Variants in PSD3 observed in about 807,000 individuals in gnomAD.
PSD3 encodes PH and SEC7 domain-containing protein 3.
PSD3 carries 49 observed loss-of-function variants against 105.5 expected under a neutral mutation model. The ratio of observed to expected loss-of-function variants is 0.46; its 90% CI spans 0.37 to 0.59. The LOEUF is 0.59. Ranked by LOEUF, PSD3 falls within the 20% of genes least tolerant of loss-of-function variation. PSD3 has a pLI of 0.00. For missense variants in PSD3, 1,561 were observed against 1,263.8 expected (o/e 1.24, Z -3.57); for synonymous variants, 557 against 457.8 (o/e 1.22, Z -2.77).
At chr8:18,890,791 TG>T (rs1213606442) in intron 2 of PSD3, among the ~76,000 whole-genome samples, 1 of 149,592 alleles carries the variant, frequency 6.7e-6, no homozygotes, top group Non-Finnish European at 1.5e-5. Context: ...GTGTGTTCCC[TG>T]TGCTGCAAAC....
chr8:18,645,815 T>C (rs1206182560), intron 10 of PSD3, among the ~76,000 whole-genome samples: 2 of 152,176 alleles, frequency 1.3e-5, no homozygotes, highest in Non-Finnish European at 2.9e-5. Flanking sequence ...CTTCTGTTTC[T>C]CCCAACAATA....
intron 1 of PSD3, among the ~76,000 whole-genome samples, chr8:18,959,455 A>T (rs1321690427): frequency 6.6e-6 from 1 of 152,036 alleles, no homozygotes; most frequent in Non-Finnish European, 1.5e-5. Context: ...TCCTCAGCCT[A>T]CAAAATAAAG....
intron 8 of PSD3, among the ~76,000 whole-genome samples, chr8:18,792,302 C>A (rs79683508): frequency 0.037 from 5,688 of 152,190 alleles, 315 homozygotes; most frequent in African/African-American, 0.12. Flanking sequence ...GTAGGAAAGA[C>A]ATGGAATCAA....
chr8:18,846,361 C>A (rs1225139832), intron 4 of PSD3, among the ~76,000 whole-genome samples: 1 of 152,140 alleles, frequency 6.6e-6, no homozygotes, highest in Non-Finnish European at 1.5e-5. Flanking sequence ...CTACGAATGT[C>A]CTTGAGGCTT....
At chr8:18,536,459 T>A (rs10098042) in intron 15 of PSD3, among the ~76,000 whole-genome samples, 1 of 152,124 alleles carries the variant, frequency 6.6e-6, no homozygotes, top group African/African-American at 2.4e-5. Flanking sequence ...ATTCCGTGGC[T>A]AATCTCCTGG....
chr8:18,667,105 G>T (rs897635967), intron 9 of PSD3, among the ~76,000 whole-genome samples: 1 of 152,136 alleles, frequency 6.6e-6, no homozygotes, highest in African/African-American at 2.4e-5. Flanking sequence ...AGGCAGTGTG[G>T]AAGGGGACCC....
chr8:19,073,487 G>A (rs1045307627), intron 1 of PSD3, among the ~76,000 whole-genome samples: 6 of 144,308 alleles, frequency 4.2e-5, no homozygotes, highest in Non-Finnish European at 7.5e-5. Context: ...GGAGGTGGAG[G>A]TTGCAGTGAG....
At chr8:18,800,896 T>A (rs2129447323) in intron 7 of PSD3, 1 of 154,106 alleles carries the variant, frequency 6.5e-6, no homozygotes, top group East Asian at 1.9e-4. Context: ...GAAATTTCAT[T>A]CATTACATAA....
intron 1 of PSD3, among the ~76,000 whole-genome samples, chr8:19,074,584 G>GATATATATATAT (rs57891868): frequency 0.012 from 1,148 of 99,080 alleles, 73 homozygotes; most frequent in Non-Finnish European, 0.017. Flanking sequence ...TTACAACTCA[G>GATATATATATAT]ATATATACAT....
At chr8:18,880,807 T>C (rs1586314020) in intron 2 of PSD3, among the ~76,000 whole-genome samples, 4 of 152,306 alleles carry the variant, frequency 2.6e-5, no homozygotes, top group Admixed American at 2.0e-4. Flanking sequence ...AATTTGGTCT[T>C]GTATGTGTGA....
intron 10 of PSD3, among the ~76,000 whole-genome samples, chr8:18,655,305 G>T (rs1222070061): frequency 6.8e-6 from 1 of 147,804 alleles, no homozygotes; most frequent in Non-Finnish European, 1.5e-5. Context: ...CTCCAGCCTG[G>T]GCGACAAAGC....
chr8:18,802,672 C>G (rs1287261308), intron 6 of PSD3, among the ~76,000 whole-genome samples: 4 of 152,266 alleles, frequency 2.6e-5, no homozygotes, highest in African/African-American at 9.6e-5. Flanking sequence ...TCCAAACATC[C>G]TCCCTTCACC....
chr8:18,722,923 G>A (rs1803095769), intron 9 of PSD3, among the ~76,000 whole-genome samples: 1 of 152,168 alleles, frequency 6.6e-6, no homozygotes, highest in Non-Finnish European at 1.5e-5. Context: ...ATTATAGAAT[G>A]CCGTATGTCC....
intron 4 of PSD3, among the ~76,000 whole-genome samples, chr8:18,825,032 GATTT>G (rs1198275117): frequency 1.3e-5 from 2 of 152,120 alleles, no homozygotes; most frequent in African/African-American, 4.8e-5. Context: ...GCATTTCTCA[GATTT>G]ATTTGACTAT....
intron 9 of PSD3, among the ~76,000 whole-genome samples, chr8:18,690,243 A>G (rs1252801393): frequency 2.0e-5 from 3 of 152,186 alleles, no homozygotes; most frequent in Non-Finnish European, 2.9e-5. Context: ...CGTATGTGAC[A>G]GCTCCCTGTC....
chr8:18,795,758 C>T (rs959456126), intron 8 of PSD3, among the ~76,000 whole-genome samples: 2 of 152,182 alleles, frequency 1.3e-5, no homozygotes, highest in Admixed American at 6.5e-5. Context: ...AAACAGAACG[C>T]ATTTGAAGAT....
intron 9 of PSD3, among the ~76,000 whole-genome samples, chr8:18,723,347 G>A (rs1803129734): frequency 6.6e-6 from 1 of 152,172 alleles, no homozygotes; most frequent in Non-Finnish European, 1.5e-5. Context: ...CTCTGCAAAT[G>A]CCTTTGTGCA....
intron 9 of PSD3, among the ~76,000 whole-genome samples, chr8:18,711,418 G>A (rs191973708): frequency 1.3e-3 from 191 of 152,242 alleles, no homozygotes; most frequent in African/African-American, 4.5e-3. Context: ...GACACAATAG[G>A]CTCAAAATAA....
chr8:18,958,990 G>C (rs1430131104), intron 1 of PSD3, among the ~76,000 whole-genome samples: 1 of 149,964 alleles, frequency 6.7e-6, no homozygotes, highest in Non-Finnish European at 1.5e-5. Flanking sequence ...GTGTGATCTT[G>C]GCTCACTGCA....
Sources: allele counts gnomAD v4.1 joint callset (sites outside exome capture counted in the v4.1 genomes callset), GRCh38; gene constraint gnomAD v4.1.1; transcripts MANE v1.5; gene names NCBI Gene and HGNC (gene_info 2026-07-23, HGNC 2026-07-21).